The following DAAM1 variants were observed in gnomAD, a reference collection of about 807,000 sequenced individuals.
DAAM1 encodes dishevelled associated activator of morphogenesis 1.
Under a neutral mutation model 130.0 loss-of-function variants are expected in DAAM1, and 52 were observed. The ratio of observed to expected loss-of-function variants is 0.40; its 90% CI spans 0.32 to 0.50. The LOEUF (loss-of-function observed/expected upper bound fraction) is 0.50, where lower values mean the gene tolerates loss of function less well. DAAM1 is among the 20% of genes least tolerant of loss of function. DAAM1 has a pLI of 0.61. For missense variants in DAAM1, 1,134 were observed against 1,303.8 expected (o/e 0.87, Z 2.01); for synonymous variants, 452 against 444.5 (o/e 1.02, Z -0.21).
intron 15 of DAAM1, among the ~76,000 whole-genome samples, chr14:59,334,735 T>C (rs566960117): frequency 1.3e-5 from 2 of 152,340 alleles, no homozygotes; most frequent in African/African-American, 2.4e-5. Context: ...GCATAAAATA[T>C]ATCCAGTTGA....
chr14:59,340,933 G>A (rs1885818506), intron 16 of DAAM1, among the ~76,000 whole-genome samples: 1 of 152,160 alleles, frequency 6.6e-6, no homozygotes, highest in Non-Finnish European at 1.5e-5. Flanking sequence ...CCGAGTTTGG[G>A]GCTTTAAAGA....
chr14:59,335,763 C>G (rs1885603426), intron 15 of DAAM1, among the ~76,000 whole-genome samples: 1 of 152,106 alleles, frequency 6.6e-6, no homozygotes, highest in Admixed American at 6.5e-5. Flanking sequence ...ACGGTGGTCT[C>G]AGGCTCCAGA....
chr14:59,310,944 T>C (rs1370079108), intron 3 of DAAM1, among the ~76,000 whole-genome samples: 1 of 146,784 alleles, frequency 6.8e-6, no homozygotes, highest in East Asian at 2.1e-4. Flanking sequence ...TGGGCCTTAC[T>C]AAGAACATCT....
chr14:59,231,260 C>T (rs1254089549), intron 1 of DAAM1, among the ~76,000 whole-genome samples: 5 of 151,998 alleles, frequency 3.3e-5, no homozygotes, highest in South Asian at 4.1e-4. Flanking sequence ...CAATGTAGAA[C>T]GATTAAATCA....
intron 1 of DAAM1, among the ~76,000 whole-genome samples, chr14:59,189,693 CT>C (rs2139373143): frequency 3.3e-5 from 5 of 152,316 alleles, no homozygotes; most frequent in African/African-American, 1.2e-4. Context: ...AAGCCAACTG[CT>C]TGTGATCGGC....
chr14:59,238,612 A>G (rs573972515), intron 1 of DAAM1, among the ~76,000 whole-genome samples: 2 of 152,342 alleles, frequency 1.3e-5, no homozygotes, highest in African/African-American at 4.8e-5. Context: ...GATTTTTGAA[A>G]GGAACAGAGT....
chr14:59,202,746 G>T (rs1888146251), intron 1 of DAAM1, among the ~76,000 whole-genome samples: 1 of 152,160 alleles, frequency 6.6e-6, no homozygotes, highest in African/African-American at 2.4e-5. Flanking sequence ...TTCATGTTTT[G>T]CTTATTTGGA....
intron 18 of DAAM1, among the ~76,000 whole-genome samples, chr14:59,352,909 T>G (rs1160139275): frequency 1.3e-5 from 2 of 151,668 alleles, no homozygotes; most frequent in Non-Finnish European, 2.9e-5. Flanking sequence ...TTCCAGTCAG[T>G]ATCATTCTCC....
chr14:59,275,923 T>C (rs1184041598), intron 2 of DAAM1, among the ~76,000 whole-genome samples: 3 of 152,188 alleles, frequency 2.0e-5, no homozygotes, highest in Non-Finnish European at 4.4e-5. Flanking sequence ...ACTAAGAATA[T>C]TGGCAGAAAT....
chr14:59,355,469 C>T, intron 20 of DAAM1, 136 bp downstream of exon 20: 1 of 1,096,870 alleles, frequency 9.1e-7, no homozygotes, highest in Non-Finnish European at 1.3e-6. Context: ...CTACTTTCTT[C>T]CCTTCTCTGA....
In DAAM1 at chr14:59,250,819, T is replaced by C. The variant is rs117964109; in HGVS notation, c.-37-12622T>C. The stretch of plus-strand genomic sequence containing the variant: ...CCGTATATAGGTAGGTACATACATA[T>C]TGCTACAAATACAGTTTTTAAACAT... On this transcript the variant is annotated intron_variant, in intron 1 of 24. Transcript: ENST00000360909. Among the ~76,000 whole-genome samples, 316 of 152,376 alleles carry C rather than the reference T, an allele frequency of 2.1e-3. 5 individuals carry two copies. In the East Asian group the frequency reaches 0.031, roughly 15 times the overall value.
At chr14:59,326,213 ATG>A (rs1885197014) in intron 10 of DAAM1, 136 bp downstream of exon 10, 3 of 811,226 alleles carry the variant, frequency 3.7e-6, no homozygotes. Flanking sequence ...ACAGCCAAGT[ATG>A]TGTGTCTACA....
intron 16 of DAAM1, among the ~76,000 whole-genome samples, chr14:59,342,211 C>T (rs1010003921): frequency 2.6e-5 from 4 of 152,176 alleles, no homozygotes; most frequent in Non-Finnish European, 4.4e-5. Flanking sequence ...AGTATTATTA[C>T]AGTGAGCACA....
intron 1 of DAAM1, among the ~76,000 whole-genome samples, chr14:59,232,623 A>T (rs939032227): frequency 2.2e-4 from 33 of 149,494 alleles, no homozygotes; most frequent in Admixed American, 6.6e-4. Flanking sequence ...TTCTTTTTTT[A>T]AAATTTTCTC....
chr14:59,264,074 C>T (rs1422367396), intron 2 of DAAM1: 9 of 214,468 alleles, frequency 4.2e-5, no homozygotes, highest in East Asian at 3.4e-4. Context: ...ACAGTATTAA[C>T]GTATTTTTAA....
At chr14:59,343,822 G>A (rs1216811828) in intron 16 of DAAM1, among the ~76,000 whole-genome samples, 4 of 152,160 alleles carry the variant, frequency 2.6e-5, no homozygotes, top group African/African-American at 4.8e-5. Context: ...ATCATTCGAA[G>A]CTCTCAGAAA....
At chr14:59,331,067 T>C (rs1885411265) in intron 13 of DAAM1, 142 bp from the exon 14 acceptor site, 1 of 1,407,162 alleles carries the variant, frequency 7.1e-7, no homozygotes, top group Admixed American at 2.7e-5. Flanking sequence ...AAGAGTCCAT[T>C]CGACTTTACC....
rs574503265 is a variant in DAAM1 at position 59,332,277 on chromosome 14, A to C, written c.1968+357A>C. Reference sequence around the variant, plus strand: ...CCCCACAATGTTTGTATCTAAAGCTATTTTGGTTCATCTGAATTTTTTAAA... The same window carrying C: ...CCCCACAATGTTTGTATCTAAAGCTCTTTTGGTTCATCTGAATTTTTTAAA... On this transcript the variant is annotated intron_variant, in intron 15 of 24. Transcript: ENST00000360909. Among the ~76,000 whole-genome samples, 10 of 152,294 alleles carry C rather than the reference A, an allele frequency of 6.6e-5. No individual in the cohort carries two copies. In the South Asian group the frequency reaches 2.1e-3, roughly 32 times the overall value.
At chr14:59,263,171 G>A (rs1386836295) in intron 1 of DAAM1, among the ~76,000 whole-genome samples, 2 of 152,244 alleles carry the variant, frequency 1.3e-5, no homozygotes, top group Non-Finnish European at 2.9e-5. Context: ...CAGTAGCTCA[G>A]TGTGATTAGA....
Sources: gnomAD v4.1 joint callset for allele counts (sites outside exome capture counted in the v4.1 genomes callset) on GRCh38, gnomAD v4.1.1 for gene constraint, MANE v1.5 for transcripts, NCBI Gene and HGNC (gene_info 2026-07-23, HGNC 2026-07-21) for gene names.